The following SCN3A variants were observed in gnomAD, a reference collection of about 807,000 sequenced individuals.
SCN3A encodes sodium voltage-gated channel alpha subunit 3.
A neutral mutation model predicts 187.6 loss-of-function variants in SCN3A; 60 were observed. The observed-to-expected ratio is 0.32, with a 90% CI of 0.26 to 0.40. The LOEUF is 0.40. Ranked by LOEUF, SCN3A falls within the 10% of genes least tolerant of loss-of-function variation. The probability of loss-of-function intolerance (pLI) is 1.00; values close to 1 mark genes in which losing one functional copy is unlikely to be tolerated. For missense variants in SCN3A, 1,601 were observed against 2,428.2 expected, an observed-to-expected ratio of 0.66 and a Z score of 7.16; for synonymous variants, 788 against 829.2, an observed-to-expected ratio of 0.95 and a Z score of 0.85.
At chr2:165,102,595 G>T (rs914789354) in intron 21 of SCN3A, among the ~76,000 whole-genome samples, 2 of 152,184 alleles carry the variant, frequency 1.3e-5, no homozygotes, top group Non-Finnish European at 1.5e-5. Context: ...TGAGTTTAAA[G>T]GTTGAAAGGC....
At chr2:165,160,519 T>G (rs954084) in intron 9 of SCN3A, among the ~76,000 whole-genome samples, 34,465 of 152,080 alleles carry the variant, frequency 0.23, 5,113 homozygotes, top group East Asian at 0.52. Flanking sequence ...ATAAAGTATG[T>G]ATTAACCAAA....
chr2:165,134,591 G>A (rs1687554533), intron 15 of SCN3A, among the ~76,000 whole-genome samples: 1 of 152,050 alleles, frequency 6.6e-6, no homozygotes. Context: ...TGTATTTTAA[G>A]CAAGCCTAGT....
At position 165,127,911 on chromosome 2, in the gene SCN3A, T is replaced by G; in HGVS notation, c.3113A>C (p.Glu1038Ala). The change falls in exon 18 of 28, where the codon GAA (glutamate) becomes GCA (alanine). Residue 1038 changes from glutamate to alanine, a missense_variant. Glu to Ala is a moderately radical substitution (Grantham distance 107). Coordinates refer to ENST00000283254, the MANE Select transcript of SCN3A (RefSeq NM_006922.4). ...GTCTATCTTATTGCCTTCATGGATT[T>G]CTATAACTTTTGGCTTTCTAAAAAA... ...KAFFRKPKVIEIHEGNKIDSC... is the reference protein window; with the variant it reads ...KAFFRKPKVIAIHEGNKIDSC... 1 of 1,614,166 alleles carries G rather than the reference T, an allele frequency of 6.2e-7. No homozygotes were observed. Among genetic ancestry groups the G allele is most frequent in the Non-Finnish European group, 8.5e-7 (1 of 1,180,026 alleles).
intron 2 of SCN3A, among the ~76,000 whole-genome samples, chr2:165,179,267 C>T (rs946885997): frequency 1.3e-5 from 2 of 152,140 alleles, no homozygotes; most frequent in Non-Finnish European, 2.9e-5. Context: ...AATGGTATGC[C>T]TGTATCATCT....
intron 1 of SCN3A, among the ~76,000 whole-genome samples, chr2:165,194,202 T>C (rs959174824): frequency 1.3e-5 from 2 of 152,166 alleles, no homozygotes; most frequent in Non-Finnish European, 2.9e-5. Flanking sequence ...ACTTGTGTGA[T>C]ATATTGAACA....
chr2:165,154,506 C>G lies in SCN3A; in HGVS notation c.1326G>C (p.Glu442Asp). The change falls in exon 11 of 28, where the codon GAG becomes GAC. Residue 442 changes from glutamate to aspartate, a missense_variant. Physicochemically the swap from Glu to Asp is conservative, Grantham distance 45. This residue lies in a region of SCN3A where 376 missense variants were observed against 476.0 expected (regional missense o/e 0.79). Transcript: ENST00000283254. ...QATLEEAEQK[E>D]AEFQQMLEQL... ...GTTCGAGCATCTGCTGAAATTCGGC[C>G]TCTTTTTGTTCTGCTTCTTCCAAGG... 6.2e-7 allele frequency: 1 copy of G among 1,614,108 alleles called. No individual in the cohort carries two copies. The highest frequency in any genetic ancestry group is 1.3e-5 in the African/African-American group (1 of 75,030).
At chr2:165,118,976 A>G (rs535552046) in intron 18 of SCN3A, among the ~76,000 whole-genome samples, 1 of 151,896 alleles carries the variant, frequency 6.6e-6, no homozygotes, top group Non-Finnish European at 1.5e-5. Flanking sequence ...GTTAGCCAGG[A>G]TGGTCTTGAT....
intron 3 of SCN3A, among the ~76,000 whole-genome samples, chr2:165,174,634 C>T (rs1690334287): frequency 6.6e-6 from 1 of 152,144 alleles, no homozygotes; most frequent in African/African-American, 2.4e-5. Flanking sequence ...AATCATGCCT[C>T]CTTTCTTAAA....
chr2:165,178,865 T>A (rs1206557422), intron 2 of SCN3A, among the ~76,000 whole-genome samples: 1 of 152,220 alleles, frequency 6.6e-6, no homozygotes, highest in Non-Finnish European at 1.5e-5. Flanking sequence ...CTAATGTTTT[T>A]AGCCATCTTA....
At chr2:165,139,822 T>C (rs1687895013) in intron 13 of SCN3A, 1 of 556,544 alleles carries the variant, frequency 1.8e-6, no homozygotes. Context: ...ACCAGTGGGA[T>C]GCAGTTTTAT....
chr2:165,201,423 A>G, intron 1 of SCN3A, among the ~76,000 whole-genome samples: 1 of 152,066 alleles, frequency 6.6e-6, no homozygotes, highest in Admixed American at 6.6e-5. Context: ...TAACAATAAT[A>G]ACAATGATGA....
chr2:165,134,677 A>AT (rs1024147233), intron 15 of SCN3A, among the ~76,000 whole-genome samples: 16 of 151,656 alleles, frequency 1.1e-4, no homozygotes, highest in East Asian at 3.9e-4. Context: ...CACATCAAAG[A>AT]TTTTTTTTTC....
At chr2:165,124,580 CATT>C (rs1232531241) in intron 18 of SCN3A, among the ~76,000 whole-genome samples, 1 of 152,062 alleles carries the variant, frequency 6.6e-6, no homozygotes, top group Admixed American at 6.6e-5. Flanking sequence ...CATTATCAAA[CATT>C]ATACCTTATT....
intron 9 of SCN3A, among the ~76,000 whole-genome samples, chr2:165,161,014 C>T (rs1207260415): frequency 6.6e-6 from 1 of 152,066 alleles, no homozygotes; most frequent in Non-Finnish European, 1.5e-5. Flanking sequence ...CTTGGAATTC[C>T]TAGGCTCAAG....
At chr2:165,091,725 A>G (rs1685115816) in intron 27 of SCN3A, 2 of 282,752 alleles carry the variant, frequency 7.1e-6, no homozygotes, top group Admixed American at 5.0e-5. Flanking sequence ...TTAGAGAGAA[A>G]TGGGCCATAT....
chr2:165,198,719 A>C (rs1288715714), intron 1 of SCN3A, among the ~76,000 whole-genome samples: 1 of 152,056 alleles, frequency 6.6e-6, no homozygotes. Context: ...TTGCCCATGC[A>C]GGAATTTATG....
At position 165,092,528 on chromosome 2, in the gene SCN3A, G is replaced by C. The variant is rs1425591207; in HGVS notation, c.4537-4C>G. ...AGACCATTCCTTGGAATTTGTTCTA[G>C]AAAGTGAGAGAAGAGAAATAAGGTT... On this transcript the variant is annotated splice_polypyrimidine_tract_variant and splice_region_variant and intron_variant, in intron 26 of 27. Transcript: ENST00000283254. This position sits in a 1 kb window ranked among gnomAD's most constrained non-coding sequence, Gnocchi z 4.2. 2 of 1,610,102 alleles carry C rather than the reference G, an allele frequency of 1.2e-6. No individual in the cohort carries two copies. The highest frequency in any genetic ancestry group is 2.7e-5 in the African/African-American group (2 of 74,812).
chr2:165,167,928 T>C (rs62174953), intron 5 of SCN3A, among the ~76,000 whole-genome samples: 34,353 of 151,970 alleles, frequency 0.23, 5,087 homozygotes, highest in East Asian at 0.52. Flanking sequence ...TGTATTAAAA[T>C]ACAGAATGAA....
chr2:165,107,479 A>T (rs918367702), intron 21 of SCN3A, among the ~76,000 whole-genome samples: 1 of 152,230 alleles, frequency 6.6e-6, no homozygotes, highest in Admixed American at 6.5e-5. Context: ...AAATGACAAT[A>T]ATTTATAATT....
Sources: gnomAD v4.1 joint callset for allele counts (sites outside exome capture counted in the v4.1 genomes callset) on GRCh38, gnomAD v4.1.1 for gene constraint, gnomAD v4.1.1 regional missense constraint, Gnocchi (gnomAD v3.1) non-coding constraint, MANE v1.5 for transcripts, NCBI Gene and HGNC (gene_info 2026-07-23, HGNC 2026-07-21) for gene names.